TAFA5: variants seen among roughly 807,000 people sequenced by gnomAD.
TAFA5 encodes the protein chemokine-like protein TAFA-5.
In TAFA5, 6 loss-of-function variants were observed where a neutral mutation model predicts 15.3. The ratio of observed to expected loss-of-function variants is 0.39; its 90% CI spans 0.21 to 0.77. The LOEUF (loss-of-function observed/expected upper bound fraction) is 0.77. Among genes scored for constraint, TAFA5 ranks in the 30% least tolerant of loss-of-function variants. TAFA5 has a pLI of 0.41. For missense variants in TAFA5, 161 were observed against 193.1 expected (o/e 0.83, Z 0.98); for synonymous variants, 103 against 80.7 (o/e 1.28, Z -1.48).
intron 1 of TAFA5, among the ~76,000 whole-genome samples, chr22:48,561,745 A>G (rs1317807602): frequency 2.0e-5 from 3 of 152,252 alleles, no homozygotes; most frequent in Non-Finnish European, 2.9e-5. Flanking sequence ...CGAAAAATCA[A>G]TAAACCATTT....
intron 1 of TAFA5, among the ~76,000 whole-genome samples, chr22:48,609,353 T>C (rs1279054106): frequency 6.6e-6 from 1 of 152,116 alleles, no homozygotes; most frequent in East Asian, 1.9e-4. Flanking sequence ...GGCAGCTGCC[T>C]AGTCCGAGAC....
chr22:48,594,608 G>T (rs1188019183), intron 1 of TAFA5, among the ~76,000 whole-genome samples: 1 of 152,154 alleles, frequency 6.6e-6, no homozygotes. Context: ...TGCTCCCGTC[G>T]GCTGCCAGCC....
intron 1 of TAFA5, among the ~76,000 whole-genome samples, chr22:48,580,376 T>C (rs1394745640): frequency 6.6e-6 from 1 of 152,232 alleles, no homozygotes; most frequent in Non-Finnish European, 1.5e-5. Context: ...ATCTGTTAGA[T>C]GGATCAGTTT....
At position 48,598,685 on chromosome 22, in the gene TAFA5, C is replaced by T. The variant is rs1344208437; in HGVS notation, c.113-47912C>T. On this transcript the variant is annotated intron_variant, in intron 1 of 3. Coordinates refer to ENST00000402357, the MANE Select transcript of TAFA5 (RefSeq NM_001082967.3). The surrounding 1 kb of genome is among the most constrained non-coding windows in gnomAD (Gnocchi z 4.0). ...TCCAGACACCAAATGAATATCTGGC[C>T]ATTTAATTAAATTGTCCTCCAATTT... Among the ~76,000 whole-genome samples, 2 of 152,134 alleles carry T rather than the reference C, an allele frequency of 1.3e-5. No individual in the cohort carries two copies.
At chr22:48,517,788 G>A (rs1050887992) in intron 1 of TAFA5, among the ~76,000 whole-genome samples, 3 of 151,984 alleles carry the variant, frequency 2.0e-5, no homozygotes, top group Non-Finnish European at 2.9e-5. Context: ...CTGCCGTGCC[G>A]TCTCCTCCCT....
chr22:48,510,458 C>G (rs957599979), intron 1 of TAFA5, among the ~76,000 whole-genome samples: 4 of 152,232 alleles, frequency 2.6e-5, no homozygotes, highest in African/African-American at 9.6e-5. Flanking sequence ...GTTCGGTGTT[C>G]ATTGTTTTGG....
intron 1 of TAFA5, among the ~76,000 whole-genome samples, chr22:48,514,574 C>T (rs535993375): frequency 7.9e-5 from 12 of 152,204 alleles, no homozygotes; most frequent in East Asian, 1.9e-4. Flanking sequence ...AACCGAGAAC[C>T]GCCCTGCAGA....
chr22:48,702,463 C>T (rs1217590431), intron 2 of TAFA5, among the ~76,000 whole-genome samples: 1 of 152,092 alleles, frequency 6.6e-6, no homozygotes, highest in African/African-American at 2.4e-5. Context: ...CCCTGGCTCC[C>T]TTCTCCAGCC....
chr22:48,735,802 A>G (rs1164239540), intron 3 of TAFA5, among the ~76,000 whole-genome samples: 1 of 151,316 alleles, frequency 6.6e-6, no homozygotes, highest in Non-Finnish European at 1.5e-5. Context: ...GAGGAATGAG[A>G]ATCACACTCC....
At chr22:48,705,735 A>C (rs1929057200) in intron 2 of TAFA5, among the ~76,000 whole-genome samples, 1 of 152,254 alleles carries the variant, frequency 6.6e-6, no homozygotes, top group Non-Finnish European at 1.5e-5. Flanking sequence ...CTGTTTGCAT[A>C]GCCATGAAGC....
intron 2 of TAFA5, among the ~76,000 whole-genome samples, chr22:48,677,883 A>G (rs1928025371): frequency 6.6e-6 from 1 of 151,702 alleles, no homozygotes; most frequent in Non-Finnish European, 1.5e-5. Flanking sequence ...TTGCTCCAAC[A>G]CTGTGGAGGT....
At chr22:48,723,357 T>TAAACCC (rs751764619) in intron 3 of TAFA5, among the ~76,000 whole-genome samples, 21 of 152,332 alleles carry the variant, frequency 1.4e-4, no homozygotes, top group Admixed American at 6.5e-4. Context: ...AGCTCCCCGT[T>TAAACCC]AAACCCAAGA....
At chr22:48,682,264 C>T (rs1928215042) in intron 2 of TAFA5, among the ~76,000 whole-genome samples, 1 of 152,196 alleles carries the variant, frequency 6.6e-6, no homozygotes, top group African/African-American at 2.4e-5. Context: ...CCCAGGGCTT[C>T]TCCAGGTGTC....
intron 1 of TAFA5, among the ~76,000 whole-genome samples, chr22:48,590,061 C>T (rs558974926): frequency 2.6e-5 from 4 of 151,822 alleles, no homozygotes; most frequent in African/African-American, 4.8e-5. Flanking sequence ...GCGTGGCTGG[C>T]GGATGGGGCC....
intron 1 of TAFA5, among the ~76,000 whole-genome samples, chr22:48,587,101 T>C (rs1001053615): frequency 6.6e-6 from 1 of 152,260 alleles, no homozygotes; most frequent in Admixed American, 6.5e-5. Flanking sequence ...TGCAGGTCTC[T>C]CTTCATGCTT....
intron 1 of TAFA5, among the ~76,000 whole-genome samples, chr22:48,494,132 C>G (rs952811801): frequency 1.3e-5 from 2 of 152,110 alleles, no homozygotes; most frequent in Non-Finnish European, 2.9e-5. Flanking sequence ...TCGACATGCT[C>G]GGAATGAAAT....
At chr22:48,625,535 C>T (rs114913520) in intron 1 of TAFA5, among the ~76,000 whole-genome samples, 1,770 of 152,308 alleles carry the variant, frequency 0.012, 32 homozygotes, top group African/African-American at 0.04. Context: ...ACAGTGCTTA[C>T]GATCAGGTCC....
intron 1 of TAFA5, among the ~76,000 whole-genome samples, chr22:48,595,647 G>C (rs553822358): frequency 6.6e-6 from 1 of 152,220 alleles, no homozygotes; most frequent in Non-Finnish European, 1.5e-5. Flanking sequence ...GCAGTGCAGC[G>C]GGCAACCTGC....
chr22:48,542,642 G>GTGTGTGTGGT (rs1922490587), intron 1 of TAFA5, among the ~76,000 whole-genome samples: 1 of 132,412 alleles, frequency 7.6e-6, no homozygotes, highest in African/African-American at 2.9e-5. Flanking sequence ...TGTGTGATGT[G>GTGTGTGTGGT]TGTGTGTGGT....
Sources: gnomAD v4.1 joint callset for allele counts (sites outside exome capture counted in the v4.1 genomes callset) on GRCh38, gnomAD v4.1.1 for gene constraint, Gnocchi (gnomAD v3.1) non-coding constraint, MANE v1.5 for transcripts, NCBI Gene and HGNC (gene_info 2026-07-23, HGNC 2026-07-21) for gene names.